SELP: variants seen among roughly 807,000 people sequenced by gnomAD.
SELP encodes selectin P.
SELP carries 92 observed loss-of-function variants against 104.1 expected under a neutral mutation model. That is an observed-to-expected ratio of 0.88 (90% CI 0.75 to 1.05). The LOEUF (loss-of-function observed/expected upper bound fraction) is 1.05. Among genes scored for constraint, SELP ranks in the 50% least tolerant of loss-of-function variants. The pLI is 0.00. For missense variants in SELP, 1,022 were observed against 1,017.3 expected, an observed-to-expected ratio of 1.00 and a Z score of -0.06; for synonymous variants, 397 against 364.5, an observed-to-expected ratio of 1.09 and a Z score of -1.01.
chr1:169,594,259 A>T (rs1661484712), intron 13 of SELP, among the ~76,000 whole-genome samples: 1 of 152,160 alleles, frequency 6.6e-6, no homozygotes, highest in South Asian at 2.1e-4. Flanking sequence ...GAGGGGAAAA[A>T]ATAGGGGGCT....
In SELP at chr1:169,611,531, C is replaced by A. The variant is rs1490543490; in HGVS notation, c.1108G>T (p.Asp370Tyr). The A allele has an allele frequency of 6.2e-7, 1 of 1,614,042 alleles. No homozygotes were observed. The highest frequency in any genetic ancestry group is 2.2e-5 in the East Asian group (1 of 44,872). Residue 370 changes from aspartate to tyrosine, a missense_variant, in exon 7 of 17, where the codon GAC becomes TAC. By Grantham distance (160) the Asp-to-Tyr change is radical. Coordinates refer to ENST00000263686, the MANE Select transcript of SELP (RefSeq NM_003005.4). ...VRGLDMLRCI[D>Y]SGHWSAPLPT... ...AAGGGTGCAGACCAGTGTCCAGAGT[C>A]AATGCAGCGGAGCATGTCCAAGCCC...
chr1:169,603,115 A>G lies in SELP; in HGVS notation c.1616T>C (p.Ile539Thr), dbSNP rs1377142062. The G allele has an allele frequency of 6.2e-6, 10 of 1,614,028 alleles. No homozygotes were observed. Among genetic ancestry groups the G allele is most frequent in the Non-Finnish European group, 8.5e-6 (10 of 1,180,002 alleles). ...AGACAAAGAATATCCCTCGTCACAG[A>G]TGAATTGACATGTGGATTTATAACT... ...SSSYKSTCQFICDEGYSLSGP... is the reference protein window; with the variant it reads ...SSSYKSTCQFTCDEGYSLSGP... The change falls in exon 10 of 17, where the codon ATC (isoleucine) becomes ACC (threonine). Residue 539 changes from isoleucine to threonine, a missense_variant. By Grantham distance (89) the Ile-to-Thr change is moderately conservative (BLOSUM62 -1). Transcript: ENST00000263686.
At position 169,589,204 on chromosome 1, in the gene SELP, C is replaced by G. The variant is rs1004820358; in HGVS notation, c.*259G>C. The G allele has an allele frequency of 1.3e-5, 2 of 152,236 alleles. No homozygotes were observed. Among genetic ancestry groups the G allele is most frequent in the Non-Finnish European group, 2.9e-5 (2 of 68,042 alleles). 9.4% of individuals were successfully genotyped at this position (152,236 alleles called of 1,614,324 possible). ...TCTTGTGAGTCAGATGCTCCAGTCTCTTTGGTTCACTGGTATTTCAAGTAA... is the reference window on the plus strand; with the variant it reads ...TCTTGTGAGTCAGATGCTCCAGTCTGTTTGGTTCACTGGTATTTCAAGTAA... On this transcript the variant is annotated 3_prime_UTR_variant, in exon 17 of 17. Coordinates refer to ENST00000263686, the MANE Select transcript of SELP (RefSeq NM_003005.4).
rs764268301 is a variant in SELP at position 169,595,963 on chromosome 1, G to A, written c.2063C>T (p.Pro688Leu). 5 of 1,613,732 alleles carry A rather than the reference G, an allele frequency of 3.1e-6. No homozygotes were observed. The highest frequency in any genetic ancestry group is 2.7e-5 in the African/African-American group (2 of 74,882). The stretch of plus-strand genomic sequence containing the variant: ...AGTTACTGCTGTCCATTGTCCTGAA[G>A]GTCTGCAGCTGAGAGTGCTGTCTCC... ...LIGDSTLSCR[P>L]SGQWTAVTPA... Residue 688 changes from proline (P) to leucine (L), a missense_variant, in exon 12 of 17, where the codon CCT (proline) becomes CTT (leucine). Physicochemically the swap from Pro to Leu is moderately conservative, Grantham distance 98. Coordinates refer to ENST00000263686, the MANE Select transcript of SELP (RefSeq NM_003005.4).
At chr1:169,609,424 G>A (rs1308501670) in intron 8 of SELP, 80 bp downstream of exon 8, 3 of 1,347,116 alleles carry the variant, frequency 2.2e-6, no homozygotes, top group Admixed American at 4.4e-5. Context: ...GATAAAGAAA[G>A]GCATGCCAAT....
At chr1:169,597,623 C>T (rs1661695457) in intron 10 of SELP, among the ~76,000 whole-genome samples, 1 of 152,158 alleles carries the variant, frequency 6.6e-6, no homozygotes, top group Admixed American at 6.5e-5. Flanking sequence ...CCTAAAACTG[C>T]AATGATTGCT....
At chr1:169,629,008 T>C (rs1257733657) in intron 1 of SELP, among the ~76,000 whole-genome samples, 3 of 152,238 alleles carry the variant, frequency 2.0e-5, no homozygotes, top group Non-Finnish European at 4.4e-5. Context: ...TACTTTTTTC[T>C]GGAGTCCCAC....
chr1:169,612,854 G>T, intron 5 of SELP, 75 bp downstream of exon 5: 1 of 1,264,620 alleles, frequency 7.9e-7, no homozygotes, highest in Non-Finnish European at 1.1e-6. Flanking sequence ...ATTTTTTAAT[G>T]GAGAAAGCTC....
At chr1:169,599,403 T>A (rs1260348670) in intron 10 of SELP, among the ~76,000 whole-genome samples, 1 of 151,428 alleles carries the variant, frequency 6.6e-6, no homozygotes, top group Admixed American at 6.6e-5. Context: ...AGAAAACAGA[T>A]AAGGTTTGCA....
chr1:169,626,874 A>G (rs939535618), intron 1 of SELP, among the ~76,000 whole-genome samples: 1 of 152,080 alleles, frequency 6.6e-6, no homozygotes, highest in African/African-American at 2.4e-5. Context: ...TTTTGTAGAG[A>G]TAAGTTCTCA....
chr1:169,605,967 C>A (rs1345794693), intron 9 of SELP, among the ~76,000 whole-genome samples: 1 of 152,038 alleles, frequency 6.6e-6, no homozygotes, highest in African/African-American at 2.4e-5. Context: ...TGACTAGAAC[C>A]CGTTCAAGTT....
intron 9 of SELP, 52 bp downstream of exon 9, chr1:169,606,897 A>T (rs972185826): frequency 1.3e-6 from 2 of 1,545,582 alleles, no homozygotes; most frequent in Non-Finnish European, 1.8e-6. Context: ...CCAGCCTTTA[A>T]AAATACTGCC....
intron 9 of SELP, among the ~76,000 whole-genome samples, chr1:169,605,783 G>A (rs1010290885): frequency 1.9e-4 from 29 of 152,130 alleles, no homozygotes; most frequent in African/African-American, 6.8e-4. Flanking sequence ...GAGTATTTAA[G>A]AGGATATTTC....
chr1:169,596,767 C>T (rs1272276886), intron 11 of SELP, among the ~76,000 whole-genome samples: 1 of 152,178 alleles, frequency 6.6e-6, no homozygotes, highest in Admixed American at 6.5e-5. Flanking sequence ...AAAAAAGAAG[C>T]CATGAAACAA....
rs1571655455 is a variant in SELP, at chr1:169,611,497, C to A, written c.1142G>T (p.Cys381Phe). 1.2e-6 allele frequency: 2 copies of A among 1,613,762 alleles called. No homozygotes were observed. Among genetic ancestry groups the A allele is most frequent in the African/African-American group, 2.7e-5 (2 of 74,994 alleles). ...SGHWSAPLPTCEAISCEPLES... is the reference protein window; with the variant it reads ...SGHWSAPLPTFEAISCEPLES... ...TTGCTAATGAAAAATCCTACCCTCA[C>A]AGGTTGGCAAGGGTGCAGACCAGTG... The change falls in exon 7 of 17, where the codon TGT becomes TTT. Residue 381 changes from cysteine (C) to phenylalanine (F), a missense_variant. Cys to Phe is a radical substitution (Grantham distance 205, BLOSUM62 -2). Coordinates refer to ENST00000263686, the MANE Select transcript of SELP (RefSeq NM_003005.4).
intron 10 of SELP, among the ~76,000 whole-genome samples, chr1:169,602,769 G>T (rs578234090): frequency 1.4e-4 from 21 of 152,232 alleles, no homozygotes; most frequent in South Asian, 2.1e-4. Flanking sequence ...GCACCACCAT[G>T]CCCAGCTATT....
chr1:169,612,426 G>C (rs1394940462), intron 5 of SELP, 24 bp from the exon 6 acceptor site: 1 of 1,609,658 alleles, frequency 6.2e-7, no homozygotes, highest in South Asian at 1.1e-5. Flanking sequence ...CAGAATAATA[G>C]TGTGAGTCCT....
At position 169,617,393 on chromosome 1, in the gene SELP, A is replaced by C; in HGVS notation, c.116T>G (p.Val39Gly). 1 of 1,613,964 alleles carries C rather than the reference A, an allele frequency of 6.2e-7. No individual in the cohort carries two copies. The highest frequency in any genetic ancestry group is 1.3e-5 in the African/African-American group (1 of 75,004). The change falls in exon 3 of 17, where the codon GTG becomes GGG. Residue 39 changes from valine to glycine, a missense_variant. Physicochemically the swap from Val to Gly is moderately radical, Grantham distance 109 (BLOSUM62 -3). Coordinates refer to ENST00000263686, the MANE Select transcript of SELP (RefSeq NM_003005.4). ...GCTGTAATGATAAGTCCATGCTGCC[A>C]CTTCTTTCTGGTTTGTTAGTTCTAG... ...LISELTNQKE[V>G]AAWTYHYSTK... is the part of the protein sequence containing the mutation.
chr1:169,592,308 A>G (rs1661390361), intron 14 of SELP, among the ~76,000 whole-genome samples: 1 of 152,228 alleles, frequency 6.6e-6, no homozygotes. Flanking sequence ...ATGTTTTGGT[A>G]GCATTGTAAA....
Sources: gnomAD v4.1 joint callset for allele counts (sites outside exome capture counted in the v4.1 genomes callset) on GRCh38, gnomAD v4.1.1 for gene constraint, MANE v1.5 for transcripts, NCBI Gene and HGNC (gene_info 2026-07-23, HGNC 2026-07-21) for gene names.